The following ZNF83 variants were observed in gnomAD, a reference collection of about 807,000 sequenced individuals.
ZNF83 encodes the protein zinc finger protein 816B.
For synonymous variants in ZNF83, 209 were observed against 213.0 expected, an observed-to-expected ratio of 0.98 and a Z score of 0.17; for missense variants, 552 against 629.9, an observed-to-expected ratio of 0.88 and a Z score of 1.32.
At chr19:52,642,482 G>A (rs1372003082), upstream of ZNF83, among the ~76,000 whole-genome samples, 1 of 151,678 alleles carries the variant, frequency 6.6e-6, no homozygotes, top group African/African-American at 2.4e-5. Flanking sequence ...CGGTCAGGCT[G>A]GTCTCGAACT....
chr19:52,614,890 T>C, intron 2 of ZNF83, 93 bp from the exon 3 acceptor site: 1 of 1,113,132 alleles, frequency 9.0e-7, no homozygotes, highest in Non-Finnish European at 1.1e-6. Flanking sequence ...CTAAGAGTAA[T>C]ACTTATGTTA....
intron 1 of ZNF83, among the ~76,000 whole-genome samples, chr19:52,666,119 G>A (rs1201293606): frequency 2.8e-5 from 4 of 143,198 alleles, no homozygotes; most frequent in South Asian, 2.2e-4. Flanking sequence ...AGCCAAGATC[G>A]CACCACTGCA....
At chr19:52,633,909 A>AAAAT (rs1372985943) in intron 2 of ZNF83, among the ~76,000 whole-genome samples, 1 of 152,034 alleles carries the variant, frequency 6.6e-6, no homozygotes, top group South Asian at 2.1e-4. Context: ...AAACTCTCTC[A>AAAAT]AAATAAATAA....
At chr19:52,682,713 G>T (rs184968435) in intron 1 of ZNF83, among the ~76,000 whole-genome samples, 57 of 127,958 alleles carry the variant, frequency 4.5e-4, no homozygotes, top group Non-Finnish European at 8.5e-4. Context: ...AAAAGAAAAA[G>T]AAAAGATGTA....
chr19:52,670,143 C>T lies in ZNF83; in HGVS notation c.-282-9300G>A, dbSNP rs1049791727. ...GCTCCACCTTGACTCATTCTGATCA[C>T]CTGCTCCACCCTGCCTCATTCCAAT... On this transcript the variant is annotated intron_variant, in intron 1 of 5. Transcript: ENST00000594682. 2.0e-5 allele frequency among the ~76,000 whole-genome samples: 3 copies of T among 152,124 alleles called. No homozygotes were observed. The East Asian group carries it at 5.8e-4, about 29-fold the overall frequency.
intron 1 of ZNF83, among the ~76,000 whole-genome samples, chr19:52,685,249 G>A (rs766695736): frequency 6.6e-6 from 1 of 152,112 alleles, no homozygotes; most frequent in African/African-American, 2.4e-5. Flanking sequence ...TTGCAGGGAC[G>A]CTCACTGGGC....
At chr19:52,663,662 G>C (rs1364381249) in intron 1 of ZNF83, among the ~76,000 whole-genome samples, 1 of 152,182 alleles carries the variant, frequency 6.6e-6, no homozygotes. Flanking sequence ...TCAGGTACCA[G>C]AAAATGTTTC....
intron 1 of ZNF83, among the ~76,000 whole-genome samples, chr19:52,669,961 G>T (rs1201831676): frequency 1.3e-5 from 2 of 152,214 alleles, no homozygotes; most frequent in Non-Finnish European, 2.9e-5. Flanking sequence ...TAAGGAAAAT[G>T]CAAGAGAAGG....
At chr19:52,664,268 G>T (rs185184828) in intron 1 of ZNF83, among the ~76,000 whole-genome samples, 15 of 151,840 alleles carry the variant, frequency 9.9e-5, no homozygotes, top group South Asian at 2.1e-4. Context: ...GGCCGATGCG[G>T]CTGGATCCCT....
At chr19:52,658,227 C>A (rs1163022875) in intron 2 of ZNF83, among the ~76,000 whole-genome samples, 2 of 151,798 alleles carry the variant, frequency 1.3e-5, no homozygotes, top group Non-Finnish European at 2.9e-5. Context: ...TAACAGGACA[C>A]CATCAAGGAC....
At chr19:52,639,415 ATTTTTT>A (rs1160711365), upstream of ZNF83, among the ~76,000 whole-genome samples, 4 of 86,310 alleles carry the variant, frequency 4.6e-5, no homozygotes, top group East Asian at 1.1e-3. Context: ...AGTTTTTTCT[ATTTTTT>A]TTTTTTTTTT....
intron 3 of ZNF83, chr19:52,653,243 C>T: frequency 1.3e-6 from 2 of 1,531,258 alleles, no homozygotes; most frequent in Admixed American, 1.7e-5. Flanking sequence ...GGTTTCTCTC[C>T]AGTATGAAGC....
chr19:52,687,559 TTTTA>T lies in ZNF83; in HGVS notation c.-283+2880_-283+2883del, dbSNP rs1471039076. 2.8e-3 allele frequency among the ~76,000 whole-genome samples: 116 copies of T among 42,062 alleles called. 18 individuals are homozygous for T. The highest frequency in any genetic ancestry group is 3.3e-3 in the Non-Finnish European group (75 of 22,836). 27.6% of individuals were successfully genotyped at this position (42,062 alleles called of 152,430 possible). On this transcript the variant is annotated intron_variant, in intron 1 of 5. Transcript: ENST00000594682. The stretch of plus-strand genomic sequence containing the variant: ...TATATATATAAATTATATGTGTAAA[TTTTA>T]TATATATATAAATTTTATATATATA...
chr19:52,681,303 C>CAAAAAAAAAAAAAAAAAAAA (rs1189423006), intron 1 of ZNF83, among the ~76,000 whole-genome samples: 18 of 78,308 alleles, frequency 2.3e-4, no homozygotes, highest in African/African-American at 4.6e-4. Context: ...AAAAAAAAAG[C>CAAAAAAAAAAAAAAAAAAAA]AAACGAACAT....
chr19:52,643,683 A>T (rs558916680), intron 3 of ZNF83, among the ~76,000 whole-genome samples: 3 of 152,020 alleles, frequency 2.0e-5, no homozygotes, highest in Non-Finnish European at 4.4e-5. Context: ...CCTGGGTGAC[A>T]AGAGCAAAAC....
intron 2 of ZNF83, 32 bp downstream of exon 2, chr19:52,635,034 G>C: frequency 1.4e-6 from 1 of 736,710 alleles, no homozygotes; most frequent in Non-Finnish European, 2.5e-6. Context: ...AAAGGAAAGA[G>C]ACAGAACAAT....
chr19:52,686,721 C>T (rs917361568), intron 1 of ZNF83, among the ~76,000 whole-genome samples: 2 of 151,982 alleles, frequency 1.3e-5, no homozygotes, highest in African/African-American at 4.8e-5. Flanking sequence ...TACAGGTGCA[C>T]GCCACCATGC....
At chr19:52,669,659 A>G (rs2061697175) in intron 1 of ZNF83, among the ~76,000 whole-genome samples, 1 of 152,220 alleles carries the variant, frequency 6.6e-6, no homozygotes, top group East Asian at 1.9e-4. Context: ...TGAACAACTC[A>G]GGGGTAAATG....
intron 3 of ZNF83, among the ~76,000 whole-genome samples, chr19:52,647,333 A>G (rs895848698): frequency 4.6e-5 from 7 of 152,348 alleles, no homozygotes; most frequent in Admixed American, 2.0e-4. Context: ...TTTATTTATT[A>G]TATACACAGA....
Sources: gnomAD v4.1 joint callset for allele counts (sites outside exome capture counted in the v4.1 genomes callset) on GRCh38, gnomAD v4.1.1 for gene constraint, MANE v1.5 for transcripts, NCBI Gene and HGNC (gene_info 2026-07-23, HGNC 2026-07-21) for gene names.